The following SERINC5 variants were observed in gnomAD, a reference collection of about 807,000 sequenced individuals.
SERINC5 encodes chromosome 5 open reading frame 12.
A neutral mutation model predicts 63.1 loss-of-function variants in SERINC5; 41 were observed. The observed-to-expected ratio is 0.65, with a 90% CI of 0.51 to 0.84. SERINC5 has a LOEUF of 0.84. Among genes scored for constraint, SERINC5 ranks in the 40% least tolerant of loss-of-function variants. The probability of loss-of-function intolerance (pLI) is 0.00; values close to 1 mark genes in which losing one functional copy is unlikely to be tolerated. For synonymous variants in SERINC5, 222 were observed against 215.2 expected (o/e 1.03, Z -0.28); for missense variants, 523 against 573.0 (o/e 0.91, Z 0.89).
chr5:80,159,013 A>T, intron 7 of SERINC5, 51 bp from the exon 8 acceptor site: 1 of 1,604,374 alleles, frequency 6.2e-7, no homozygotes, highest in East Asian at 2.2e-5. Context: ...GGCCAGTTGT[A>T]ACGCACAGAA....
intron 8 of SERINC5, among the ~76,000 whole-genome samples, chr5:80,152,528 A>G (rs1481154581): frequency 6.6e-6 from 1 of 152,036 alleles, no homozygotes; most frequent in African/African-American, 2.4e-5. Flanking sequence ...TATCCTGTGC[A>G]TACAAGTTTT....
At chr5:80,238,259 A>C (rs1212624779) in intron 1 of SERINC5, among the ~76,000 whole-genome samples, 1 of 152,116 alleles carries the variant, frequency 6.6e-6, no homozygotes, top group Non-Finnish European at 1.5e-5. Flanking sequence ...TGATTTGCAT[A>C]AAGTGCCTCA....
intron 2 of SERINC5, among the ~76,000 whole-genome samples, chr5:80,189,049 G>T (rs1164955988): frequency 6.6e-6 from 1 of 152,002 alleles, no homozygotes; most frequent in Admixed American, 6.6e-5. Context: ...AATGTACAAT[G>T]GATATCATCC....
intron 1 of SERINC5, among the ~76,000 whole-genome samples, chr5:80,229,961 C>A (rs1253573754): frequency 6.6e-6 from 1 of 152,216 alleles, no homozygotes; most frequent in Non-Finnish European, 1.5e-5. Context: ...CAGAGGTTTA[C>A]AGGGCTGGGA....
chr5:80,211,110 G>A (rs969814447), intron 1 of SERINC5, among the ~76,000 whole-genome samples: 1 of 152,196 alleles, frequency 6.6e-6, no homozygotes, highest in African/African-American at 2.4e-5. Context: ...CAACAGGCAA[G>A]CATGATGAGT....
chr5:80,141,284 C>A lies in SERINC5; in HGVS notation c.*2379G>T, dbSNP rs983703496. 1.2e-5 allele frequency: 12 copies of A among 985,320 alleles called. No individual in the cohort carries two copies. Among genetic ancestry groups the A allele is most frequent in the Non-Finnish European group, 1.3e-5 (11 of 829,946 alleles). 61.0% of individuals were successfully genotyped at this position (985,320 alleles called of 1,614,324 possible). On this transcript the variant is annotated 3_prime_UTR_variant, in exon 12 of 12. Coordinates refer to ENST00000507668, the MANE Select transcript of SERINC5 (RefSeq NM_001174072.3). ...AACGGGATGTCACAAACCAGACTCA[C>A]GCATCTGGAAAACGTTGTGTGGCTG...
chr5:80,222,742 T>G (rs1283692659), intron 1 of SERINC5, among the ~76,000 whole-genome samples: 1 of 151,972 alleles, frequency 6.6e-6, no homozygotes, highest in African/African-American at 2.4e-5. Flanking sequence ...CTGGCTAATT[T>G]TTTGTATTTT....
intron 1 of SERINC5, among the ~76,000 whole-genome samples, chr5:80,218,005 T>A (rs985581543): frequency 6.6e-6 from 1 of 152,194 alleles, no homozygotes; most frequent in African/African-American, 2.4e-5. Context: ...GGTTCCACAC[T>A]TCTGTATCTA....
chr5:80,216,442 T>C (rs2112527341), intron 1 of SERINC5, among the ~76,000 whole-genome samples: 1 of 152,276 alleles, frequency 6.6e-6, no homozygotes, highest in South Asian at 2.1e-4. Context: ...CAGGAGAGCA[T>C]GCTGGCAACT....
intron 5 of SERINC5, among the ~76,000 whole-genome samples, chr5:80,173,869 T>C (rs1028679438): frequency 1.1e-4 from 17 of 151,816 alleles, no homozygotes; most frequent in African/African-American, 3.4e-4. Context: ...TGCTCTCCCA[T>C]CCCACTAAAA....
At chr5:80,229,737 A>G (rs1751355576) in intron 1 of SERINC5, among the ~76,000 whole-genome samples, 1 of 152,240 alleles carries the variant, frequency 6.6e-6, no homozygotes, top group Admixed American at 6.5e-5. Flanking sequence ...TGCTCAGCAC[A>G]TGTGCCTGGT....
chr5:80,223,508 C>T (rs1355704692), intron 1 of SERINC5, among the ~76,000 whole-genome samples: 1 of 152,024 alleles, frequency 6.6e-6, no homozygotes, highest in African/African-American at 2.4e-5. Flanking sequence ...AGAGGGCTGA[C>T]TATATATATC....
chr5:80,230,773 ATTTCTCTCTTTCTTTCTTTC>A (rs1751403964), intron 1 of SERINC5, among the ~76,000 whole-genome samples: 3 of 136,782 alleles, frequency 2.2e-5, no homozygotes, highest in African/African-American at 8.2e-5. Flanking sequence ...CCCAGGTATA[ATTTCTCTCTTTCTTTCTTTC>A]TTTCTCTCTC....
intron 12 of SERINC5, among the ~76,000 whole-genome samples, chr5:80,112,963 CA>C (rs1184809850): frequency 6.6e-6 from 1 of 152,010 alleles, no homozygotes; most frequent in Non-Finnish European, 1.5e-5. Context: ...GACCGTGTCT[CA>C]AAAATAGTAT....
intron 1 of SERINC5, among the ~76,000 whole-genome samples, chr5:80,215,047 A>T (rs186443529): frequency 1.3e-5 from 2 of 152,366 alleles, no homozygotes; most frequent in Admixed American, 6.5e-5. Context: ...AAAATAAAAT[A>T]AAAAAATTAA....
At chr5:80,188,247 C>T (rs1387714976) in intron 2 of SERINC5, among the ~76,000 whole-genome samples, 1 of 139,698 alleles carries the variant, frequency 7.2e-6, no homozygotes, top group Non-Finnish European at 1.5e-5. Context: ...CCCACCACTG[C>T]ACTCTAGCCT....
chr5:80,215,615 G>T (rs1472432252), intron 1 of SERINC5, among the ~76,000 whole-genome samples: 2 of 152,192 alleles, frequency 1.3e-5, no homozygotes, highest in African/African-American at 4.8e-5. Flanking sequence ...AAAGCGCCAA[G>T]GCTTTCATCA....
intron 2 of SERINC5, among the ~76,000 whole-genome samples, chr5:80,194,501 A>G (rs1029754328): frequency 1.3e-5 from 2 of 152,236 alleles, no homozygotes; most frequent in Non-Finnish European, 2.9e-5. Flanking sequence ...TATACCAAAC[A>G]CAACCTGAAA....
intron 5 of SERINC5, among the ~76,000 whole-genome samples, chr5:80,171,469 G>T (rs1296841560): frequency 6.6e-6 from 1 of 152,136 alleles, no homozygotes; most frequent in Non-Finnish European, 1.5e-5. Context: ...AGAAGGACCT[G>T]TAACTGTGCT....
Sources: allele counts gnomAD v4.1 joint callset (sites outside exome capture counted in the v4.1 genomes callset), GRCh38; gene constraint gnomAD v4.1.1; transcripts MANE v1.5; gene names NCBI Gene and HGNC (gene_info 2026-07-23, HGNC 2026-07-21).